The following TNKS1BP1 variants were observed in gnomAD, a reference collection of about 807,000 sequenced individuals.
The protein encoded by TNKS1BP1 is 182 kDa tankyrase-1-binding protein.
A neutral mutation model predicts 141.1 loss-of-function variants in TNKS1BP1; 48 were observed. That is an observed-to-expected ratio of 0.34 (90% CI 0.27 to 0.43). TNKS1BP1 has a LOEUF of 0.43. Among genes scored for constraint, TNKS1BP1 ranks in the 20% least tolerant of loss-of-function variants. TNKS1BP1 has a pLI of 1.00. For synonymous variants in TNKS1BP1, 875 were observed against 898.2 expected (o/e 0.97, Z 0.46); for missense variants, 2,149 against 2,226.0 (o/e 0.97, Z 0.70).
chr11:57,324,746 T>C, intron 1 of TNKS1BP1, 94 bp downstream of exon 1: 1 of 973,616 alleles, frequency 1.0e-6, no homozygotes, highest in Non-Finnish European at 1.2e-6. Flanking sequence ...CAACCCGAGG[T>C]GTCGGCTGGA....
In TNKS1BP1 at chr11:57,320,665, G is replaced by T; in HGVS notation, c.142C>A (p.Pro48Thr). The change falls in exon 3 of 12, where the codon CCT (proline) becomes ACT (threonine). Residue 48 changes from proline (P) to threonine (T), a missense_variant. Coordinates refer to ENST00000358252, the MANE Select transcript of TNKS1BP1 (RefSeq NM_033396.3). ...TTGGCAGGCAGGGCTGGCTTGGCAG[G>T]CAGGGCCCGGGGTTTGGGCTTGACA... ...PPVKPKPRAL[P>T]AKPALPAKPS... is the part of the protein sequence containing the mutation. The T allele has an allele frequency of 6.2e-7, 1 of 1,610,316 alleles. No individual in the cohort carries two copies. The highest frequency in any genetic ancestry group is 1.7e-5 in the Admixed American group (1 of 59,900).
At chr11:57,318,672 G>T (rs1452045625) in intron 3 of TNKS1BP1, among the ~76,000 whole-genome samples, 1 of 152,262 alleles carries the variant, frequency 6.6e-6, no homozygotes, top group Non-Finnish European at 1.5e-5. Flanking sequence ...CCTCTGTGCA[G>T]CTGATGGCTC....
intron 6 of TNKS1BP1, among the ~76,000 whole-genome samples, chr11:57,306,761 A>G (rs1378605393): frequency 6.6e-6 from 1 of 152,138 alleles, no homozygotes; most frequent in Non-Finnish European, 1.5e-5. Context: ...CAATGATGAC[A>G]CTATCCTCCT....
chr11:57,312,128 G>T (rs911482793), intron 5 of TNKS1BP1, among the ~76,000 whole-genome samples: 1 of 151,808 alleles, frequency 6.6e-6, no homozygotes, highest in East Asian at 1.9e-4. Flanking sequence ...CGCTCTAAAT[G>T]GCTACACTAT....
At chr11:57,316,716 G>A (rs1054505357) in intron 4 of TNKS1BP1, among the ~76,000 whole-genome samples, 12 of 152,252 alleles carry the variant, frequency 7.9e-5, no homozygotes, top group South Asian at 2.1e-4. Flanking sequence ...GGTCCAAGCC[G>A]TCATCATCTC....
Position 57,302,439 on chromosome 11 carries a change from T to C in TNKS1BP1, c.4683+20A>G, listed in dbSNP as rs568307706. ...CATCGCCCTCACCCACCCACTGTCA[T>C]GGGCTCACCCTCCACTGACCTCAAT... is the stretch of plus-strand genomic sequence containing the variant. On this transcript the variant is annotated intron_variant, in intron 7 of 11. Coordinates refer to ENST00000358252, the MANE Select transcript of TNKS1BP1 (RefSeq NM_033396.3). The surrounding 1 kb of genome is among the most constrained non-coding windows in gnomAD (Gnocchi z 5.5). The C allele has an allele frequency of 8.9e-6, 14 of 1,573,652 alleles. No individual in the cohort carries two copies. In the South Asian group the frequency reaches 1.7e-4, roughly 19 times the overall value.
intron 3 of TNKS1BP1, among the ~76,000 whole-genome samples, chr11:57,318,432 G>A (rs1855830032): frequency 6.6e-6 from 1 of 152,212 alleles, no homozygotes; most frequent in African/African-American, 2.4e-5. Context: ...TCTGGGACAG[G>A]CAAAGGACTA....
chr11:57,317,288 G>A (rs1040064567), intron 4 of TNKS1BP1, among the ~76,000 whole-genome samples: 1 of 152,234 alleles, frequency 6.6e-6, no homozygotes, highest in Admixed American at 6.5e-5. Flanking sequence ...ACTCAAGAAA[G>A]CAGGCTGACC....
intron 5 of TNKS1BP1, chr11:57,311,338 G>T: frequency 3.0e-6 from 3 of 985,800 alleles, no homozygotes; most frequent in Non-Finnish European, 3.6e-6. Flanking sequence ...AGACATGCTG[G>T]CCTCCCCATC....
Position 57,302,012 on chromosome 11 carries a change from C to A in TNKS1BP1, c.4834+62G>T. 6.2e-7 allele frequency: 1 copy of A among 1,604,596 alleles called. No homozygotes were observed. The highest frequency in any genetic ancestry group is 1.1e-5 in the South Asian group (1 of 90,864). Reference sequence around the variant, plus strand: ...AGACTCCCCGAACCCATAACCCCTGCAAAAGCTTGGCCTAATGCCCTAGAG... The same window carrying A: ...AGACTCCCCGAACCCATAACCCCTGAAAAAGCTTGGCCTAATGCCCTAGAG... On this transcript the variant is annotated intron_variant, in intron 8 of 11. Transcript: ENST00000358252. The surrounding 1 kb of genome is among the most constrained non-coding windows in gnomAD (Gnocchi z 5.5).
chr11:57,318,291 G>C, intron 3 of TNKS1BP1, among the ~76,000 whole-genome samples: 1 of 152,210 alleles, frequency 6.6e-6, no homozygotes, highest in East Asian at 1.9e-4. Flanking sequence ...AATTGCAGTG[G>C]GGGAGGGGAA....
Position 57,321,870 on chromosome 11 carries a change from G to A in TNKS1BP1, c.16C>T (p.Leu6Phe), listed in dbSNP as rs747487081. The A allele has an allele frequency of 1.9e-6, 3 of 1,614,120 alleles. No homozygotes were observed. The South Asian group carries it at 3.3e-5, about 18-fold the overall frequency. The change falls in exon 2 of 12, where the codon CTC becomes TTC. Residue 6 changes from leucine to phenylalanine, a missense_variant. By Grantham distance (22) the Leu-to-Phe change is conservative (BLOSUM62 0). Transcript: ENST00000358252. MKVSTLRESSAMASPL... is the reference protein window; with the variant it reads MKVSTFRESSAMASPL... ...GAAGCCATGGCTGAGCTTTCCCTGA[G>A]AGTAGACACTTTCATCACATGCGGC...
intron 5 of TNKS1BP1, chr11:57,311,305 T>C (rs955874381): frequency 6.1e-5 from 60 of 985,766 alleles, no homozygotes; most frequent in Non-Finnish European, 7.1e-5. Flanking sequence ...CAGCGCAGCG[T>C]TGGCCAGCAG....
At position 57,324,518 on chromosome 11, in the gene TNKS1BP1, G is replaced by A. The variant is rs1162923114; in HGVS notation, c.-66+322C>T. On this transcript the variant is annotated intron_variant, in intron 1 of 11. Coordinates refer to ENST00000358252, the MANE Select transcript of TNKS1BP1 (RefSeq NM_033396.3). ...GGGAGGGGGCTAGCGCGGCCCGGAG[G>A]AAGGGGAGGCAGGGGTCCCTCCAGC... 2.0e-5 allele frequency among the ~76,000 whole-genome samples: 3 copies of A among 148,998 alleles called. No individual in the cohort carries two copies. In the East Asian group the frequency reaches 6.1e-4, roughly 30 times the overall value.
chr11:57,304,524 C>T (rs972215158), intron 6 of TNKS1BP1, among the ~76,000 whole-genome samples: 5 of 152,268 alleles, frequency 3.3e-5, no homozygotes, highest in Middle Eastern at 3.4e-3. Flanking sequence ...AGAGGCCAGG[C>T]CCAAAGCCTC....
At chr11:57,314,771 G>C (rs1325533304) in intron 4 of TNKS1BP1, among the ~76,000 whole-genome samples, 1 of 152,076 alleles carries the variant, frequency 6.6e-6, no homozygotes, top group Non-Finnish European at 1.5e-5. Context: ...GGCTCCATCT[G>C]ACCTTTGCCC....
chr11:57,316,532 A>G (rs1855801630), intron 4 of TNKS1BP1, among the ~76,000 whole-genome samples: 1 of 152,182 alleles, frequency 6.6e-6, no homozygotes, highest in Non-Finnish European at 1.5e-5. Flanking sequence ...CTTCACCCTT[A>G]GAAGTCCCCG....
In TNKS1BP1 at chr11:57,317,860, G is replaced by C. The variant is rs769006971; in HGVS notation, c.756C>G (p.Asn252Lys). 1 of 1,614,010 alleles carries C rather than the reference G, an allele frequency of 6.2e-7. No homozygotes were observed. The highest frequency in any genetic ancestry group is 8.5e-7 in the Non-Finnish European group (1 of 1,179,894). Reference protein sequence around the residue: ...ERSLPSDLAFNGDLAKAASSE... With the variant: ...ERSLPSDLAFKGDLAKAASSE... The stretch of plus-strand genomic sequence containing the variant: ...AGCTGGCTGCCTTAGCCAGGTCCCC[G>C]TTGAAGGCCAGGTCGGAAGGAAGGC... The change falls in exon 4 of 12, where the codon AAC becomes AAG. Residue 252 changes from asparagine to lysine, a missense_variant. Transcript: ENST00000358252.
intron 2 of TNKS1BP1, 125 bp downstream of exon 2, chr11:57,321,667 T>A (rs1855887888): frequency 1.8e-6 from 2 of 1,093,540 alleles, no homozygotes; most frequent in East Asian, 5.1e-5. Flanking sequence ...TGTACTGCCT[T>A]GGTACTCCTT....
Sources: allele counts gnomAD v4.1 joint callset (sites outside exome capture counted in the v4.1 genomes callset), GRCh38; gene constraint gnomAD v4.1.1; non-coding constraint Gnocchi (gnomAD v3.1); transcripts MANE v1.5; gene names NCBI Gene and HGNC (gene_info 2026-07-23, HGNC 2026-07-21).